The following MCC variants were observed in gnomAD, a reference collection of about 807,000 sequenced individuals.
MCC encodes the protein colorectal mutant cancer protein.
In MCC, 90 loss-of-function variants were observed where a neutral mutation model predicts 116.2. The ratio of observed to expected loss-of-function variants is 0.77; its 90% CI spans 0.65 to 0.92. The LOEUF is 0.92. Among genes scored for constraint, MCC ranks in the 40% least tolerant of loss-of-function variants. The probability of loss-of-function intolerance (pLI) is 0.00; values close to 1 mark genes in which losing one functional copy is unlikely to be tolerated. For missense variants in MCC, 1,516 were observed against 1,312.2 expected, an observed-to-expected ratio of 1.16 and a Z score of -2.40; for synonymous variants, 578 against 510.5, an observed-to-expected ratio of 1.13 and a Z score of -1.78.
At chr5:113,196,147 A>G (rs1006837553) in intron 3 of MCC, among the ~76,000 whole-genome samples, 27 of 152,094 alleles carry the variant, frequency 1.8e-4, no homozygotes, top group African/African-American at 6.3e-4. Context: ...TTGGTGATAT[A>G]CCTATGGGTG....
At chr5:113,110,731 G>A (rs1757041231) in intron 6 of MCC, among the ~76,000 whole-genome samples, 1 of 152,224 alleles carries the variant, frequency 6.6e-6, no homozygotes, top group African/African-American at 2.4e-5. Flanking sequence ...GCCAGCAGAT[G>A]CAAACCAGCC....
intron 3 of MCC, among the ~76,000 whole-genome samples, chr5:113,298,341 G>A (rs889523882): frequency 6.6e-6 from 1 of 152,214 alleles, no homozygotes; most frequent in African/African-American, 2.4e-5. Flanking sequence ...ACAGAGGGTA[G>A]AGAAGCCTAC....
At chr5:113,323,084 A>G (rs1490661195) in intron 3 of MCC, 3 of 152,320 alleles carry the variant, frequency 2.0e-5, no homozygotes, top group Admixed American at 2.0e-4. Context: ...GGCCCACATC[A>G]TGAGGAACTA....
intron 17 of MCC, among the ~76,000 whole-genome samples, chr5:113,037,216 G>C (rs942478646): frequency 5.3e-5 from 8 of 152,170 alleles, no homozygotes; most frequent in African/African-American, 1.9e-4. Flanking sequence ...GCTGAAATAG[G>C]GGTCAACTAG....
intron 17 of MCC, among the ~76,000 whole-genome samples, chr5:113,037,726 G>A (rs893196267): frequency 6.6e-6 from 1 of 152,082 alleles, no homozygotes; most frequent in Non-Finnish European, 1.5e-5. Flanking sequence ...AGAGAATAGC[G>A]GGAAGATACA....
Position 113,320,346 on chromosome 5 carries a change from T to C in MCC, c.627+20173A>G, listed in dbSNP as rs1413141178. ...TAAGGGATCCTAAGTGGCAAATATA[T>C]AGAAACTGAAAGAAATGCAAATTCA... On this transcript the variant is annotated intron_variant, in intron 3 of 18. Coordinates refer to ENST00000408903, the MANE Select transcript of MCC (RefSeq NM_001085377.2). Among the ~76,000 whole-genome samples the C allele has an allele frequency of 2.0e-5, 3 of 149,792 alleles. No individual in the cohort carries two copies. In the East Asian group the frequency reaches 5.9e-4, roughly 29 times the overall value.
intron 8 of MCC, among the ~76,000 whole-genome samples, chr5:113,094,446 G>A (rs1263296543): frequency 7.0e-6 from 1 of 143,214 alleles, no homozygotes; most frequent in African/African-American, 2.7e-5. Context: ...TTTTGAGACA[G>A]AATCTCACAC....
intron 2 of MCC, among the ~76,000 whole-genome samples, chr5:113,351,952 A>T (rs983262928): frequency 1.3e-5 from 2 of 152,196 alleles, no homozygotes; most frequent in African/African-American, 4.8e-5. Context: ...TCACTTAATT[A>T]GGTTAGCCAA....
chr5:113,333,846 T>TATACATATATATATGTAC (rs1767793262), intron 3 of MCC, among the ~76,000 whole-genome samples: 1 of 62,640 alleles, frequency 1.6e-5, no homozygotes, highest in African/African-American at 6.9e-5. Context: ...TATATATGTA[T>TATACATATATATATGTAC]ATATGTACAT....
intron 3 of MCC, among the ~76,000 whole-genome samples, chr5:113,283,552 T>C (rs1766134873): frequency 6.6e-6 from 1 of 152,136 alleles, no homozygotes; most frequent in African/African-American, 2.4e-5. Context: ...ACAAGTGTTA[T>C]CAAGGATGCT....
At position 113,456,920 on chromosome 5, in the gene MCC, T is replaced by C. The variant is rs1232432230; in HGVS notation, c.170+31325A>G. 2.0e-5 allele frequency among the ~76,000 whole-genome samples: 3 copies of C among 152,206 alleles called. No homozygotes were observed. In the East Asian group the frequency reaches 5.8e-4, roughly 29 times the overall value. Reference sequence around the variant, plus strand: ...TTTCAGATTTGGGGTGCCTAACCTCTATCTCAAGGCATCTATGAAGCAGGG... The same window carrying C: ...TTTCAGATTTGGGGTGCCTAACCTCCATCTCAAGGCATCTATGAAGCAGGG... On this transcript the variant is annotated intron_variant, in intron 1 of 18. Coordinates refer to ENST00000408903, the MANE Select transcript of MCC (RefSeq NM_001085377.2).
At chr5:113,364,383 C>T (rs887222159) in intron 2 of MCC, among the ~76,000 whole-genome samples, 3 of 151,824 alleles carry the variant, frequency 2.0e-5, no homozygotes, top group Admixed American at 2.0e-4. Flanking sequence ...CCAGGGTACA[C>T]AAATGCAAGT....
chr5:113,276,145 C>T lies in MCC; in HGVS notation c.627+64374G>A, dbSNP rs190490666. Among the ~76,000 whole-genome samples the T allele has an allele frequency of 2.8e-4, 43 of 152,212 alleles. No homozygotes were observed. The East Asian group carries it at 6.8e-3, about 24-fold the overall frequency. Reference sequence around the variant, plus strand: ...CAGCAGCCCATGCTGGCTCCCCAAGCTGCTGCCTTCCTCCTTGCCCCACAC... The same window carrying T: ...CAGCAGCCCATGCTGGCTCCCCAAGTTGCTGCCTTCCTCCTTGCCCCACAC... On this transcript the variant is annotated intron_variant, in intron 3 of 18. Coordinates refer to ENST00000408903, the MANE Select transcript of MCC (RefSeq NM_001085377.2).
At chr5:113,126,711 A>G (rs1758072261) in intron 5 of MCC, among the ~76,000 whole-genome samples, 2 of 152,212 alleles carry the variant, frequency 1.3e-5, no homozygotes, top group Admixed American at 1.3e-4. Flanking sequence ...ACACAACCTA[A>G]TAGATACTAG....
At chr5:113,086,369 T>C (rs1416854202) in intron 8 of MCC, among the ~76,000 whole-genome samples, 1 of 152,130 alleles carries the variant, frequency 6.6e-6, no homozygotes, top group Non-Finnish European at 1.5e-5. Context: ...ATTCAATATG[T>C]GTGTTTTAGC....
intron 17 of MCC, 78 bp from the exon 18 acceptor site, chr5:113,029,134 C>A: frequency 6.9e-7 from 1 of 1,441,886 alleles, no homozygotes; most frequent in South Asian, 1.4e-5. Context: ...GAAGTGGTGA[C>A]AGAAAGAGGA....
chr5:113,328,423 A>G (rs1266886566), intron 3 of MCC, among the ~76,000 whole-genome samples: 1 of 152,210 alleles, frequency 6.6e-6, no homozygotes, highest in Non-Finnish European at 1.5e-5. Flanking sequence ...GGAAGAGATT[A>G]TCCCTCTGCC....
intron 3 of MCC, among the ~76,000 whole-genome samples, chr5:113,201,297 A>T (rs1762666044): frequency 6.6e-6 from 1 of 151,616 alleles, no homozygotes; most frequent in Non-Finnish European, 1.5e-5. Context: ...GAAGCAGGAG[A>T]ATTGCTTGAA....
At chr5:113,112,767 CAT>C (rs1757173535) in intron 6 of MCC, among the ~76,000 whole-genome samples, 1 of 152,192 alleles carries the variant, frequency 6.6e-6, no homozygotes, top group South Asian at 2.1e-4. Context: ...GGGCATGGAA[CAT>C]GTGCTCTACA....
Sources: allele counts gnomAD v4.1 joint callset (sites outside exome capture counted in the v4.1 genomes callset), GRCh38; gene constraint gnomAD v4.1.1; transcripts MANE v1.5; gene names NCBI Gene and HGNC (gene_info 2026-07-23, HGNC 2026-07-21).